The following XKR4 variants were observed in gnomAD, a reference collection of about 807,000 sequenced individuals.
XKR4 encodes XK-related protein 4.
Under a neutral mutation model 53.9 loss-of-function variants are expected in XKR4, and 12 were observed. That is an observed-to-expected ratio of 0.22 (90% CI 0.14 to 0.36). The LOEUF is 0.36. Ranked by LOEUF, XKR4 falls within the 10% of genes least tolerant of loss-of-function variation. XKR4 has a pLI of 1.00. For missense variants in XKR4, 799 were observed against 859.5 expected, an observed-to-expected ratio of 0.93 and a Z score of 0.88; for synonymous variants, 354 against 362.4, an observed-to-expected ratio of 0.98 and a Z score of 0.26.
chr8:55,460,609 A>G (rs897639229), intron 2 of XKR4, among the ~76,000 whole-genome samples: 3 of 152,298 alleles, frequency 2.0e-5, no homozygotes, highest in African/African-American at 7.2e-5. Context: ...GGTTCATCTC[A>G]CTAGGGAGTG....
chr8:55,369,725 A>G (rs1042350809), intron 2 of XKR4, among the ~76,000 whole-genome samples: 6 of 152,212 alleles, frequency 3.9e-5, no homozygotes, highest in South Asian at 2.1e-4. Context: ...GTCCTTTTTT[A>G]ATAATACATC....
chr8:55,258,774 G>A (rs1160530718), intron 1 of XKR4, among the ~76,000 whole-genome samples: 1 of 152,182 alleles, frequency 6.6e-6, no homozygotes, highest in South Asian at 2.1e-4. Context: ...TGGGGCATAG[G>A]CCTCTAGCAT....
intron 1 of XKR4, among the ~76,000 whole-genome samples, chr8:55,116,482 TC>T (rs1020585368): frequency 6.6e-6 from 1 of 152,206 alleles, no homozygotes; most frequent in Non-Finnish European, 1.5e-5. Flanking sequence ...ATGGCATGCT[TC>T]ACCATTTGTC....
intron 1 of XKR4, among the ~76,000 whole-genome samples, chr8:55,108,677 C>G (rs551103578): frequency 1.3e-5 from 2 of 152,232 alleles, no homozygotes; most frequent in Admixed American, 1.3e-4. Context: ...TCTTAGGATA[C>G]AGTGGTTTTT....
At chr8:55,176,547 T>C (rs1724720368) in intron 1 of XKR4, among the ~76,000 whole-genome samples, 1 of 152,190 alleles carries the variant, frequency 6.6e-6, no homozygotes, top group Admixed American at 6.5e-5. Flanking sequence ...TCGCTCTTTC[T>C]AAAAGCAATT....
chr8:55,512,273 C>T (rs1233764840), intron 2 of XKR4, among the ~76,000 whole-genome samples: 1 of 152,226 alleles, frequency 6.6e-6, no homozygotes, highest in Non-Finnish European at 1.5e-5. Context: ...ACTCAGGGAT[C>T]GTACACGCAC....
chr8:55,495,017 T>C (rs1031414434), intron 2 of XKR4, among the ~76,000 whole-genome samples: 1 of 151,512 alleles, frequency 6.6e-6, no homozygotes, highest in South Asian at 2.1e-4. Context: ...TGAGGGGTGC[T>C]GGCAGGCCAG....
intron 1 of XKR4, among the ~76,000 whole-genome samples, chr8:55,283,339 A>T (rs753272101): frequency 3.9e-5 from 6 of 152,232 alleles, no homozygotes; most frequent in African/African-American, 4.8e-5. Context: ...GAGAAGGCCC[A>T]ATTTTAAATA....
chr8:55,227,059 C>T (rs1309874796), intron 1 of XKR4, among the ~76,000 whole-genome samples: 1 of 152,194 alleles, frequency 6.6e-6, no homozygotes, highest in Non-Finnish European at 1.5e-5. Context: ...TGCAACACCA[C>T]CCCCACCCCC....
At chr8:55,500,181 CAAAAAAAAAAAAA>C (rs36233927) in intron 2 of XKR4, among the ~76,000 whole-genome samples, 2 of 115,606 alleles carry the variant, frequency 1.7e-5, no homozygotes, top group Admixed American at 8.6e-5. Flanking sequence ...CAAATTGGGC[CAAAAAAAAAAAAA>C]AAAAAAAAAA....
At chr8:55,217,732 G>A (rs1157732171) in intron 1 of XKR4, among the ~76,000 whole-genome samples, 2 of 148,102 alleles carry the variant, frequency 1.4e-5, no homozygotes, top group South Asian at 2.2e-4. Flanking sequence ...TACATAGGAA[G>A]ACAGATTAGA....
chr8:55,449,450 G>C (rs1805393442), intron 2 of XKR4: 1 of 823,604 alleles, frequency 1.2e-6, no homozygotes. Context: ...GGGCTGCCCT[G>C]CCCACCCCTA....
At chr8:55,158,712 C>T (rs1173587256) in intron 1 of XKR4, among the ~76,000 whole-genome samples, 1 of 152,182 alleles carries the variant, frequency 6.6e-6, no homozygotes, top group Non-Finnish European at 1.5e-5. Flanking sequence ...CAATCTTCGG[C>T]ATATGGCTAG....
intron 1 of XKR4, among the ~76,000 whole-genome samples, chr8:55,329,883 A>T (rs1031550030): frequency 6.6e-6 from 1 of 152,244 alleles, no homozygotes. Flanking sequence ...GATACTAGGC[A>T]TAGAGGTTTG....
chr8:55,534,150 T>C lies in XKR4; in HGVS notation c.*9923T>C, dbSNP rs958141008. The C allele has an allele frequency of 5.3e-5, 8 of 152,110 alleles. No individual in the cohort carries two copies. Among genetic ancestry groups the C allele is most frequent in the African/African-American group, 1.9e-4 (8 of 41,436 alleles). 9.4% of individuals were successfully genotyped at this position (152,110 alleles called of 1,614,324 possible). A position where few individuals can be genotyped will look rare whatever the true frequency, so the allele number is the denominator to read the frequency against. ...CTTGAGACTACCATTGTCAGCATTG[T>C]AATAACCAATTTATAAAAATTGAGT... On this transcript the variant is annotated 3_prime_UTR_variant, in exon 3 of 3. Coordinates refer to ENST00000327381, the MANE Select transcript of XKR4 (RefSeq NM_052898.2).
At chr8:55,221,513 T>C (rs1365448601) in intron 1 of XKR4, among the ~76,000 whole-genome samples, 1 of 152,190 alleles carries the variant, frequency 6.6e-6, no homozygotes, top group Non-Finnish European at 1.5e-5. Flanking sequence ...ATGTTTCTGA[T>C]GGTCAAAGCC....
rs1563458950 is a variant in XKR4, at chr8:55,111,346, CTTA to C, written c.806+8057_806+8059del. Among the ~76,000 whole-genome samples, 6 of 152,232 alleles carry C rather than the reference CTTA, an allele frequency of 3.9e-5. No homozygotes were observed. In the South Asian group the frequency reaches 1.2e-3, roughly 32 times the overall value. ...CCAGGTCTAAAGTTCTGATTCTGCTCTTATTATACATTCTTTTCACTTGCCTAG... is the reference window on the plus strand; with the variant it reads ...CCAGGTCTAAAGTTCTGATTCTGCTCTTATACATTCTTTTCACTTGCCTAG... On this transcript the variant is annotated intron_variant, in intron 1 of 2. Coordinates refer to ENST00000327381, the MANE Select transcript of XKR4 (RefSeq NM_052898.2).
intron 1 of XKR4, among the ~76,000 whole-genome samples, chr8:55,179,341 T>C (rs1817277827): frequency 6.6e-6 from 1 of 152,196 alleles, no homozygotes; most frequent in Admixed American, 6.5e-5. Flanking sequence ...GACTGCTGTA[T>C]GCCAGTGCCG....
At chr8:55,465,993 G>A (rs1042841920) in intron 2 of XKR4, among the ~76,000 whole-genome samples, 1 of 152,096 alleles carries the variant, frequency 6.6e-6, no homozygotes. Flanking sequence ...AACAACAGGT[G>A]CTGGAGAGGA....
Sources: allele counts gnomAD v4.1 joint callset (sites outside exome capture counted in the v4.1 genomes callset), GRCh38; gene constraint gnomAD v4.1.1; transcripts MANE v1.5; gene names NCBI Gene and HGNC (gene_info 2026-07-23, HGNC 2026-07-21).